Variants in CPO observed in about 807,000 individuals in gnomAD.
The protein encoded by CPO is metallocarboxypeptidase C.
Under a neutral mutation model 41.2 loss-of-function variants are expected in CPO, and 43 were observed. The ratio of observed to expected loss-of-function variants is 1.04; its 90% CI spans 0.82 to 1.35. The LOEUF is 1.35. Among genes scored for constraint, CPO ranks in the 40% most tolerant of loss-of-function variants. CPO has a pLI of 0.00. For missense variants in CPO, 408 were observed against 451.7 expected (o/e 0.90, Z 0.88); for synonymous variants, 178 against 162.7 (o/e 1.09, Z -0.72).
chr2:206,948,346 A>T (rs1326601078), intron 1 of CPO, among the ~76,000 whole-genome samples: 1 of 152,232 alleles, frequency 6.6e-6, no homozygotes, highest in Non-Finnish European at 1.5e-5. Context: ...TGCATACTGT[A>T]TGAGTCCAAC....
rs1378595031 is a variant in CPO at position 206,957,170 on chromosome 2, G to A, written c.268-1131G>A. 3.3e-5 allele frequency among the ~76,000 whole-genome samples: 5 copies of A among 152,238 alleles called. No individual in the cohort carries two copies. The East Asian group carries it at 7.7e-4, about 24-fold the overall frequency. ...AGGCGGGTGGAACACGAGATCAGGA[G>A]ATCAAGACCATCCTAGCTAACACGG... On this transcript the variant is annotated intron_variant, in intron 3 of 8. Coordinates refer to ENST00000272852, the MANE Select transcript of CPO (RefSeq NM_173077.3).
At position 206,955,443 on chromosome 2, in the gene CPO, G is replaced by A; in HGVS notation, c.166-20G>A. On this transcript the variant is annotated intron_variant, in intron 2 of 8. Transcript: ENST00000272852. The stretch of plus-strand genomic sequence containing the variant: ...AACAATCTTCCTACTGATAGCCACA[G>A]TCCTCCCTTGCTGTTTCAGATCTAT... 1 of 1,428,888 alleles carries A rather than the reference G, an allele frequency of 7.0e-7. No individual in the cohort carries two copies. The highest frequency in any genetic ancestry group is 2.3e-5 in the East Asian group (1 of 44,028). The allele number at this position is 1,428,888 out of a possible 1,614,324, so 88.5% of individuals were successfully genotyped here.
chr2:206,962,557 G>C lies in CPO; in HGVS notation c.720G>C (p.Gln240His). Residue 240 changes from glutamine to histidine, a missense_variant, in exon 7 of 9, where the codon CAG (glutamine) becomes CAC (histidine). Gln to His is a conservative substitution (Grantham distance 24). Transcript: ENST00000272852. ...TCCTGACCATGCACTCTTATGGGCAGTTAATTCTCACACCTTACGGCTACA... is the reference window on the plus strand; with the variant it reads ...TCCTGACCATGCACTCTTATGGGCACTTAATTCTCACACCTTACGGCTACA... ...LCFLTMHSYG[Q>H]LILTPYGYTK... 1 of 1,614,162 alleles carries C rather than the reference G, an allele frequency of 6.2e-7. No individual in the cohort carries two copies. Among genetic ancestry groups the C allele is most frequent in the Non-Finnish European group, 8.5e-7 (1 of 1,180,010 alleles).
At chr2:206,942,518 A>T (rs1693048469) in intron 1 of CPO, among the ~76,000 whole-genome samples, 3 of 152,132 alleles carry the variant, frequency 2.0e-5, no homozygotes, top group Non-Finnish European at 4.4e-5. Context: ...AATTTGCCTC[A>T]ATATTCATTA....
At chr2:206,965,799 T>C (rs1285801531) in intron 7 of CPO, among the ~76,000 whole-genome samples, 1 of 152,108 alleles carries the variant, frequency 6.6e-6, no homozygotes, top group African/African-American at 2.4e-5. Flanking sequence ...AATGAGTTTT[T>C]ATTATTTTTA....
intron 3 of CPO, among the ~76,000 whole-genome samples, chr2:206,956,625 C>T (rs1693371972): frequency 6.6e-6 from 1 of 152,202 alleles, no homozygotes; most frequent in Non-Finnish European, 1.5e-5. Flanking sequence ...GGCTGAGAAG[C>T]GATACCACAG....
At chr2:206,945,337 TACTCC>T (rs917874754) in intron 1 of CPO, among the ~76,000 whole-genome samples, 5 of 107,064 alleles carry the variant, frequency 4.7e-5, no homozygotes, top group Admixed American at 1.8e-4. Flanking sequence ...CAAAAGTTCA[TACTCC>T]AATGCCATTA....
rs1693496523 is a variant in CPO at position 206,962,401 on chromosome 2, C to T, written c.575-11C>T. 6.2e-7 allele frequency: 1 copy of T among 1,612,744 alleles called. No individual in the cohort carries two copies. Among genetic ancestry groups the T allele is most frequent in the East Asian group, 2.2e-5 (1 of 44,880 alleles). On this transcript the variant is annotated splice_polypyrimidine_tract_variant and intron_variant, in intron 6 of 8. Coordinates refer to ENST00000272852, the MANE Select transcript of CPO (RefSeq NM_173077.3). ...CATGCAGCCTTCTTTGTGGTTTCTT[C>T]CATATTCTAGGTATTGGTGCCTCTA...
chr2:206,968,152 TG>T, intron 7 of CPO, 110 bp from the exon 8 acceptor site: 2 of 747,742 alleles, frequency 2.7e-6, no homozygotes, highest in Non-Finnish European at 4.8e-6. Flanking sequence ...GATGGGAAGT[TG>T]GAAAGGTGGC....
At chr2:206,943,785 G>A (rs7571667) in intron 1 of CPO, among the ~76,000 whole-genome samples, 90,396 of 131,292 alleles carry the variant, frequency 0.69, 31,713 homozygotes, top group Middle Eastern at 0.81. Context: ...TAGATGATAA[G>A]CAGATAGATG....
chr2:206,939,780 AC>A, intron 1 of CPO, 113 bp downstream of exon 1: 1 of 703,986 alleles, frequency 1.4e-6, no homozygotes, highest in Non-Finnish European at 2.4e-6. Context: ...ACTCATATAT[AC>A]CACCATGAGA....
chr2:206,949,477 C>G, intron 1 of CPO, 140 bp from the exon 2 acceptor site: 1 of 584,698 alleles, frequency 1.7e-6, no homozygotes, highest in Non-Finnish European at 3.1e-6. Flanking sequence ...TAGTAAGTCA[C>G]AGAGCCAAAG....
At chr2:206,969,039 A>G in intron 8 of CPO, 135 bp from the exon 9 acceptor site, 2 of 880,198 alleles carry the variant, frequency 2.3e-6, no homozygotes, top group Non-Finnish European at 3.5e-6. Flanking sequence ...GAAAGAGAAG[A>G]CAGCTATTTC....
At chr2:206,959,807 C>T in intron 5 of CPO, 66 bp downstream of exon 5, 5 of 724,272 alleles carry the variant, frequency 6.9e-6, no homozygotes, top group Non-Finnish European at 1.2e-5. Context: ...GTTAATTTTT[C>T]CAATGTTATC....
chr2:206,964,167 C>T (rs1693529610), intron 7 of CPO, among the ~76,000 whole-genome samples: 1 of 152,184 alleles, frequency 6.6e-6, no homozygotes, highest in African/African-American at 2.4e-5. Context: ...CCAGAAGACA[C>T]AAGGCCTGAA....
intron 3 of CPO, among the ~76,000 whole-genome samples, chr2:206,956,919 C>G (rs1693378306): frequency 1.3e-5 from 2 of 152,172 alleles, no homozygotes; most frequent in African/African-American, 4.8e-5. Flanking sequence ...ACCTGATTTT[C>G]CATAGGCAAT....
chr2:206,941,140 A>T (rs1408167917), intron 1 of CPO, among the ~76,000 whole-genome samples: 1 of 151,792 alleles, frequency 6.6e-6, no homozygotes, highest in African/African-American at 2.4e-5. Context: ...TATACTGAGG[A>T]AATAAACTAA....
At chr2:206,961,007 T>C in intron 6 of CPO, 65 bp downstream of exon 6, 3 of 1,100,246 alleles carry the variant, frequency 2.7e-6, no homozygotes, top group Non-Finnish European at 4.2e-6. Flanking sequence ...AAGAGGTGAA[T>C]TACTAAATGT....
Position 206,958,351 on chromosome 2 carries a change from A to G in CPO, c.318A>G (p.Gly106=). ...AGAAAATCATTTGGATGGACTGTGG[A>G]ATTCACGCCAGAGAATGGATTGCTC... ...NPKKIIWMDC[G]IHAREWIAPA... The change falls in exon 4 of 9, where the codon GGA becomes GGG. Residue 106 remains glycine, a synonymous_variant. Transcript: ENST00000272852. 1 of 1,601,990 alleles carries G rather than the reference A, an allele frequency of 6.2e-7. No individual in the cohort carries two copies. The highest frequency in any genetic ancestry group is 2.3e-5 in the East Asian group (1 of 43,874).
Sources: allele counts gnomAD v4.1 joint callset (sites outside exome capture counted in the v4.1 genomes callset), GRCh38; gene constraint gnomAD v4.1.1; transcripts MANE v1.5; gene names NCBI Gene and HGNC (gene_info 2026-07-23, HGNC 2026-07-21).